The following IRF8 variants were observed in gnomAD, a reference collection of about 807,000 sequenced individuals.
The protein encoded by IRF8 is interferon regulatory factor 8, also known as interferon consensus sequence binding protein 1.
A neutral mutation model predicts 48.7 loss-of-function variants in IRF8; 14 were observed. The observed-to-expected ratio is 0.29, with a 90% CI of 0.19 to 0.45. IRF8 has a LOEUF of 0.45. Among genes scored for constraint, IRF8 ranks in the 20% least tolerant of loss-of-function variants. IRF8 has a pLI of 1.00. For missense variants in IRF8, 493 were observed against 580.7 expected, an observed-to-expected ratio of 0.85 and a Z score of 1.55; for synonymous variants, 278 against 227.3, an observed-to-expected ratio of 1.22 and a Z score of -2.01.
chr16:85,917,856 G>C (rs898799849), intron 6 of IRF8, among the ~76,000 whole-genome samples: 3 of 152,210 alleles, frequency 2.0e-5, no homozygotes, highest in African/African-American at 7.2e-5. Context: ...GTGTTTTTCA[G>C]ACTCTTTCCT....
chr16:85,901,698 TCC>T (rs1341101942), intron 1 of IRF8, among the ~76,000 whole-genome samples: 1 of 152,226 alleles, frequency 6.6e-6, no homozygotes, highest in East Asian at 1.9e-4. Context: ...ATTTAAGAAA[TCC>T]CACCTCCTCC....
chr16:85,913,037 C>T lies in IRF8; in HGVS notation c.448-94C>T, dbSNP rs1905190509. ...AGATAAAGGTGACAATATGGTTTTACTTACACATGAACTGTTCATTTTTAC... is the reference window on the plus strand; with the variant it reads ...AGATAAAGGTGACAATATGGTTTTATTTACACATGAACTGTTCATTTTTAC... On this transcript the variant is annotated intron_variant, in intron 4 of 8. Coordinates refer to ENST00000268638, the MANE Select transcript of IRF8 (RefSeq NM_002163.4). 4.3e-6 allele frequency: 4 copies of T among 928,336 alleles called. No homozygotes were observed. The East Asian group carries it at 7.2e-5, about 17-fold the overall frequency. The allele number at this position is 928,336 out of a possible 1,614,324, so 57.5% of individuals were successfully genotyped here. A position where few individuals can be genotyped will look rare whatever the true frequency, so the allele number is the denominator to read the frequency against.
chr16:85,914,644 C>T, intron 6 of IRF8, 124 bp downstream of exon 6: 1 of 1,098,940 alleles, frequency 9.1e-7, no homozygotes, highest in African/African-American at 1.5e-5. Flanking sequence ...AGGCCTGGTT[C>T]CAAGGATGAG....
At chr16:85,911,525 A>T (rs372906197) in intron 3 of IRF8, 45 bp from the exon 4 acceptor site, 11 of 1,492,780 alleles carry the variant, frequency 7.4e-6, no homozygotes, top group Non-Finnish European at 1.0e-5. Flanking sequence ...AAAGGCTGTG[A>T]TGCCTCCGTG....
Position 85,922,224 on chromosome 16 carries a change from C to T in IRF8, c.*942C>T, listed in dbSNP as rs1446962713. On this transcript the variant is annotated 3_prime_UTR_variant, in exon 9 of 9. Transcript: ENST00000268638. Reference sequence around the variant, plus strand: ...ACAGCTCATCCAATCTCCCAAGTCTCATGGTGGATTTGTGACTGTGAGAGT... The same window carrying T: ...ACAGCTCATCCAATCTCCCAAGTCTTATGGTGGATTTGTGACTGTGAGAGT... The T allele has an allele frequency of 6.6e-6, 1 of 152,344 alleles. No individual in the cohort carries two copies. Among genetic ancestry groups the T allele is most frequent in the Non-Finnish European group, 1.5e-5 (1 of 68,026 alleles). 9.4% of individuals were successfully genotyped at this position (152,344 alleles called of 1,614,324 possible). A position where few individuals can be genotyped will look rare whatever the true frequency, so the allele number is the denominator to read the frequency against.
intron 1 of IRF8, chr16:85,900,928 G>A (rs1014494454): frequency 1.3e-5 from 2 of 152,184 alleles, no homozygotes; most frequent in African/African-American, 4.8e-5. Flanking sequence ...TTGGTTGCAG[G>A]AGGCTCAGGA....
intron 5 of IRF8, among the ~76,000 whole-genome samples, chr16:85,913,669 T>C (rs898936703): frequency 4.6e-5 from 7 of 152,154 alleles, no homozygotes. Context: ...GCCCAGGGCA[T>C]TTGGAGGAGA....
chr16:85,915,117 G>GGAGCCCTGGTCGC (rs34471810), intron 6 of IRF8, among the ~76,000 whole-genome samples: 1 of 151,952 alleles, frequency 6.6e-6, no homozygotes, highest in Non-Finnish European at 1.5e-5. Context: ...CGCGGGCTCA[G>GGAGCCCTGGTCGC]GTAGCTTGTG....
intron 1 of IRF8, among the ~76,000 whole-genome samples, 190 bp downstream of exon 1, chr16:85,899,413 G>A (rs1406937986): frequency 2.0e-5 from 3 of 152,266 alleles, no homozygotes; most frequent in Non-Finnish European, 4.4e-5. Flanking sequence ...GAATGCCCAA[G>A]TCGTTGATTG....
chr16:85,913,662 C>G (rs1905212809), intron 5 of IRF8, among the ~76,000 whole-genome samples: 1 of 152,202 alleles, frequency 6.6e-6, no homozygotes, highest in Non-Finnish European at 1.5e-5. Context: ...AAAGAGAGCC[C>G]AGGGCATTTG....
intron 4 of IRF8, among the ~76,000 whole-genome samples, chr16:85,912,449 A>G (rs1254528995): frequency 6.6e-6 from 1 of 152,192 alleles, no homozygotes; most frequent in Non-Finnish European, 1.5e-5. Context: ...GCTGTCAGAG[A>G]ATGAAGATAA....
intron 6 of IRF8, among the ~76,000 whole-genome samples, chr16:85,915,798 C>T (rs953813377): frequency 4.6e-5 from 7 of 152,312 alleles, no homozygotes; most frequent in African/African-American, 7.2e-5. Context: ...TGAGCCATCT[C>T]GGTGAGATGC....
At chr16:85,917,625 A>G (rs998196535) in intron 6 of IRF8, among the ~76,000 whole-genome samples, 1 of 152,248 alleles carries the variant, frequency 6.6e-6, no homozygotes, top group African/African-American at 2.4e-5. Flanking sequence ...ACCTCTGACA[A>G]TGCCCTGAAT....
At chr16:85,908,027 T>A (rs1428235266) in intron 2 of IRF8, among the ~76,000 whole-genome samples, 2 of 151,812 alleles carry the variant, frequency 1.3e-5, no homozygotes, top group African/African-American at 2.4e-5. Flanking sequence ...GGAATTGCAT[T>A]TTCCTGAAGT....
At chr16:85,919,957 A>G (rs1252305289) in intron 7 of IRF8, 152 bp from the exon 8 acceptor site, 8 of 694,978 alleles carry the variant, frequency 1.2e-5, no homozygotes, top group Non-Finnish European at 2.1e-5. Flanking sequence ...CTTGCTTGGA[A>G]TTTGGCCCAA....
rs1211731969 is a variant in IRF8, at chr16:85,909,154, T to C, written c.339T>C (p.Val113=). ...AGCCATACAAAGTTTACCGAATTGTTCCTGAGGAAGAGCAAAAATGTAACT... is the reference window on the plus strand; with the variant it reads ...AGCCATACAAAGTTTACCGAATTGTCCCTGAGGAAGAGCAAAAATGTAACT... ...ISEPYKVYRI[V]PEEEQKCKLG... Residue 113 remains valine, a synonymous_variant, in exon 3 of 9, where the codon GTT becomes GTC. Transcript: ENST00000268638. The C allele has an allele frequency of 3.1e-6, 5 of 1,614,024 alleles. No individual in the cohort carries two copies. The African/African-American group carries it at 5.3e-5, about 17-fold the overall frequency.
chr16:85,919,615 C>G (rs185986977), intron 7 of IRF8, among the ~76,000 whole-genome samples: 3 of 152,338 alleles, frequency 2.0e-5, no homozygotes, highest in Admixed American at 1.3e-4. Context: ...ATTCCCGGGC[C>G]TACCTCACAT....
chr16:85,900,173 C>A (rs1567874241), intron 1 of IRF8, among the ~76,000 whole-genome samples: 1 of 152,092 alleles, frequency 6.6e-6, no homozygotes, highest in Non-Finnish European at 1.5e-5. Flanking sequence ...TAGGCCAGAG[C>A]GAGTGCCCTG....
chr16:85,902,273 T>C (rs188813845), intron 1 of IRF8, among the ~76,000 whole-genome samples: 40 of 152,314 alleles, frequency 2.6e-4, no homozygotes, highest in Non-Finnish European at 3.7e-4. Flanking sequence ...ACATCTGGCA[T>C]GTAAGGTCCA....
Sources: allele counts gnomAD v4.1 joint callset (sites outside exome capture counted in the v4.1 genomes callset), GRCh38; gene constraint gnomAD v4.1.1; transcripts MANE v1.5; gene names NCBI Gene and HGNC (gene_info 2026-07-23, HGNC 2026-07-21).